Variants in GPC6 observed in about 807,000 individuals in gnomAD.
The protein encoded by GPC6 is glypican-6.
Under a neutral mutation model 55.2 loss-of-function variants are expected in GPC6, and 14 were observed. The ratio of observed to expected loss-of-function variants is 0.25; its 90% CI spans 0.17 to 0.40. The LOEUF (loss-of-function observed/expected upper bound fraction) is 0.40, where lower values mean the gene tolerates loss of function less well. Ranked by LOEUF, GPC6 falls within the 10% of genes least tolerant of loss-of-function variation. GPC6 has a pLI of 1.00. For synonymous variants in GPC6, 278 were observed against 259.6 expected (o/e 1.07, Z -0.68); for missense variants, 641 against 708.5 (o/e 0.90, Z 1.08).
At chr13:93,947,507 C>CATA (rs1212512663) in intron 3 of GPC6, among the ~76,000 whole-genome samples, 2 of 152,024 alleles carry the variant, frequency 1.3e-5, no homozygotes, top group Non-Finnish European at 2.9e-5. Context: ...ATGCAACATG[C>CATA]AATTTTAAAA....
chr13:93,632,120 A>C (rs1879470691), intron 2 of GPC6, among the ~76,000 whole-genome samples: 1 of 152,188 alleles, frequency 6.6e-6, no homozygotes, highest in Admixed American at 6.5e-5. Context: ...AAAAGAAAGA[A>C]GGTATTATAA....
intron 5 of GPC6, among the ~76,000 whole-genome samples, chr13:94,292,696 C>A (rs1240647311): frequency 2.0e-5 from 3 of 152,042 alleles, no homozygotes; most frequent in African/African-American, 7.2e-5. Context: ...TATCTCTTTC[C>A]CCAAACTCTC....
intron 6 of GPC6, among the ~76,000 whole-genome samples, chr13:94,378,569 G>A (rs1215345795): frequency 6.6e-6 from 1 of 152,150 alleles, no homozygotes; most frequent in African/African-American, 2.4e-5. Context: ...TAAACTAAGA[G>A]TGTTTGTCTC....
intron 4 of GPC6, among the ~76,000 whole-genome samples, chr13:94,141,429 T>G (rs1472554793): frequency 1.3e-5 from 2 of 152,202 alleles, no homozygotes; most frequent in Admixed American, 6.5e-5. Context: ...TGTTTATAAC[T>G]CGGTCTCTTA....
chr13:93,693,763 A>G (rs1007389492), intron 2 of GPC6, among the ~76,000 whole-genome samples: 2 of 152,192 alleles, frequency 1.3e-5, no homozygotes, highest in Non-Finnish European at 2.9e-5. Context: ...TTGGGATTAC[A>G]GGAGTGAACC....
chr13:93,815,651 T>A (rs2138957195), intron 2 of GPC6, among the ~76,000 whole-genome samples: 1 of 152,346 alleles, frequency 6.6e-6, no homozygotes, highest in Middle Eastern at 3.4e-3. Flanking sequence ...TGTGAATAAC[T>A]GACAAAATAA....
At chr13:93,475,567 A>G (rs1879273084) in intron 1 of GPC6, among the ~76,000 whole-genome samples, 2 of 152,178 alleles carry the variant, frequency 1.3e-5, no homozygotes, top group Admixed American at 1.3e-4. Flanking sequence ...TTTAAACCAG[A>G]TATGCAAAGA....
intron 3 of GPC6, among the ~76,000 whole-genome samples, chr13:93,976,366 C>A (rs968816142): frequency 4.6e-5 from 7 of 151,894 alleles, no homozygotes; most frequent in African/African-American, 1.7e-4. Flanking sequence ...CTCTGTTAAT[C>A]ATTTTTAATT....
At chr13:93,336,150 G>C (rs1880038211) in intron 1 of GPC6, among the ~76,000 whole-genome samples, 1 of 152,162 alleles carries the variant, frequency 6.6e-6, no homozygotes, top group East Asian at 1.9e-4. Context: ...AATCAAACTT[G>C]TTCTGCACTT....
chr13:93,999,130 T>A (rs890639919), intron 3 of GPC6, among the ~76,000 whole-genome samples: 6 of 152,130 alleles, frequency 3.9e-5, no homozygotes, highest in Admixed American at 3.9e-4. Context: ...GTTGCCCCCA[T>A]CAACCCCGTC....
chr13:94,183,949 CACTT>C lies in GPC6; in HGVS notation c.878-102397_878-102394del, dbSNP rs531002909. Among the ~76,000 whole-genome samples the C allele has an allele frequency of 5.9e-5, 9 of 152,242 alleles. No individual in the cohort carries two copies. The South Asian group carries it at 1.9e-3, about 32-fold the overall frequency. On this transcript the variant is annotated intron_variant, in intron 4 of 8. Coordinates refer to ENST00000377047, the MANE Select transcript of GPC6 (RefSeq NM_005708.5). ...TAAGAAACCCAGAAATAAAGCAACA[CACTT>C]ACAACTCTCTGAACATCGACAAGGC...
At chr13:93,435,349 C>T (rs754260378) in intron 1 of GPC6, among the ~76,000 whole-genome samples, 22 of 152,030 alleles carry the variant, frequency 1.4e-4, no homozygotes, top group Admixed American at 4.6e-4. Flanking sequence ...CTCCTGGCTT[C>T]AAGAGATCTT....
intron 2 of GPC6, among the ~76,000 whole-genome samples, chr13:93,582,258 G>C (rs989661963): frequency 6.6e-6 from 1 of 152,140 alleles, no homozygotes; most frequent in Non-Finnish European, 1.5e-5. Context: ...TAGGTTTTTA[G>C]TTAGAGATTG....
chr13:93,924,854 A>T (rs946950334), intron 3 of GPC6, among the ~76,000 whole-genome samples: 5 of 152,126 alleles, frequency 3.3e-5, no homozygotes, highest in Non-Finnish European at 7.4e-5. Context: ...GACACCAAAA[A>T]ATTGTATGCA....
At chr13:93,457,250 C>T (rs1272668223) in intron 1 of GPC6, among the ~76,000 whole-genome samples, 1 of 152,108 alleles carries the variant, frequency 6.6e-6, no homozygotes, top group Non-Finnish European at 1.5e-5. Flanking sequence ...CCAACTTTCC[C>T]CTTTTTATAA....
intron 2 of GPC6, among the ~76,000 whole-genome samples, chr13:93,582,884 T>C (rs1877002747): frequency 6.6e-6 from 1 of 152,228 alleles, no homozygotes; most frequent in Non-Finnish European, 1.5e-5. Flanking sequence ...GGCCCCAAGC[T>C]TATACCTAGA....
At chr13:94,032,743 C>A (rs1472822128) in intron 4 of GPC6, among the ~76,000 whole-genome samples, 1 of 152,146 alleles carries the variant, frequency 6.6e-6, no homozygotes, top group East Asian at 1.9e-4. Context: ...GCCTTGGGCA[C>A]TCATAGACCA....
At chr13:93,260,296 A>C (rs189384677) in intron 1 of GPC6, among the ~76,000 whole-genome samples, 11 of 152,218 alleles carry the variant, frequency 7.2e-5, no homozygotes, top group Non-Finnish European at 1.2e-4. Flanking sequence ...TTTTAGTTTA[A>C]AATTTGGCCA....
At chr13:94,132,690 T>C (rs1389473339) in intron 4 of GPC6, among the ~76,000 whole-genome samples, 1 of 152,178 alleles carries the variant, frequency 6.6e-6, no homozygotes, top group Non-Finnish European at 1.5e-5. Flanking sequence ...AAGAAGCCTA[T>C]ATGAAAGGCA....
Sources: allele counts gnomAD v4.1 joint callset (sites outside exome capture counted in the v4.1 genomes callset), GRCh38; gene constraint gnomAD v4.1.1; transcripts MANE v1.5; gene names NCBI Gene and HGNC (gene_info 2026-07-23, HGNC 2026-07-21).